Variants in DISC1 observed in about 807,000 individuals in gnomAD.
DISC1 encodes the protein DISC1 scaffold protein, also known as disrupted in schizophrenia 1 protein.
In DISC1, 57 loss-of-function variants were observed where a neutral mutation model predicts 84.5. That is an observed-to-expected ratio of 0.67 (90% CI 0.55 to 0.84). The LOEUF is 0.84. Among genes scored for constraint, DISC1 ranks in the 40% least tolerant of loss-of-function variants. The pLI, the probability that DISC1 is intolerant of heterozygous loss-of-function variation, is 0.00. For missense variants in DISC1, 1,000 were observed against 1,057.8 expected, an observed-to-expected ratio of 0.95 and a Z score of 0.76; for synonymous variants, 411 against 415.2, an observed-to-expected ratio of 0.99 and a Z score of 0.12.
chr1:231,767,014 A>G, intron 4 of DISC1, 126 bp from the exon 5 acceptor site: 1 of 1,253,738 alleles, frequency 8.0e-7, no homozygotes, highest in Non-Finnish European at 1.1e-6. Flanking sequence ...AAAAACAGGT[A>G]AGTACCCTCC....
chr1:231,812,652 G>A (rs2080417652), intron 8 of DISC1, among the ~76,000 whole-genome samples: 1 of 152,174 alleles, frequency 6.6e-6, no homozygotes, highest in African/African-American at 2.4e-5. Context: ...AGGCATATTG[G>A]GATGCCATAG....
At position 231,753,417 on chromosome 1, in the gene DISC1, C is replaced by T. The variant is rs556835633; in HGVS notation, c.1268+3341C>T. ...CAGTGGTCCAAGCTGTATCTGGACC[C>T]CTTTGAGCCATGTCTGGAGTTGGAA... On this transcript the variant is annotated intron_variant, in intron 4 of 12. Transcript: ENST00000439617. Among the ~76,000 whole-genome samples the T allele has an allele frequency of 2.6e-4, 39 of 152,346 alleles. No individual in the cohort carries two copies. The South Asian group carries it at 7.5e-3, about 29-fold the overall frequency.
intron 8 of DISC1, among the ~76,000 whole-genome samples, chr1:231,818,122 T>TA (rs1357286280): frequency 6.6e-6 from 1 of 152,318 alleles, no homozygotes; most frequent in East Asian, 1.9e-4. Context: ...AATAAGGTGA[T>TA]AAAAAAGACG....
intron 9 of DISC1, among the ~76,000 whole-genome samples, chr1:231,858,378 G>A (rs1010933463): frequency 3.3e-5 from 5 of 152,336 alleles, no homozygotes; most frequent in African/African-American, 9.6e-5. Flanking sequence ...ATTTGGGGCT[G>A]ATTATCAGTC....
intron 1 of DISC1, among the ~76,000 whole-genome samples, chr1:231,655,241 G>A (rs948940327): frequency 1.3e-5 from 2 of 151,906 alleles, no homozygotes; most frequent in East Asian, 1.9e-4. Flanking sequence ...TTTTAAAGTC[G>A]CCCCTCCCAC....
intron 2 of DISC1, among the ~76,000 whole-genome samples, chr1:231,696,085 T>A (rs1459653937): frequency 3.3e-5 from 5 of 152,118 alleles, no homozygotes; most frequent in Non-Finnish European, 4.4e-5. Context: ...ATGCATAGAA[T>A]CTATCCAGTT....
chr1:231,858,177 C>G (rs201496790), intron 9 of DISC1, among the ~76,000 whole-genome samples: 20 of 152,196 alleles, frequency 1.3e-4, no homozygotes, highest in Non-Finnish European at 2.4e-4. Flanking sequence ...TAAAATATAG[C>G]CTCACTGAAT....
intron 3 of DISC1, among the ~76,000 whole-genome samples, chr1:231,713,223 A>G (rs183244368): frequency 2.6e-5 from 4 of 152,224 alleles, no homozygotes; most frequent in Non-Finnish European, 5.9e-5. Flanking sequence ...TTAAGTGCCC[A>G]ATGTTCAACA....
At chr1:231,878,567 G>A (rs12746755) in intron 9 of DISC1, among the ~76,000 whole-genome samples, 2,088 of 152,278 alleles carry the variant, frequency 0.014, 26 homozygotes, top group Non-Finnish European at 0.019. Context: ...CTTGAAGCAA[G>A]TGAAGGACTT....
At chr1:231,855,162 T>C (rs2125910970) in intron 9 of DISC1, 1 of 1,006,034 alleles carries the variant, frequency 9.9e-7, no homozygotes. Context: ...GCGTCCTTTG[T>C]GAATCTTTAA....
At chr1:231,741,852 CT>C (rs936227865) in intron 3 of DISC1, among the ~76,000 whole-genome samples, 5 of 152,224 alleles carry the variant, frequency 3.3e-5, no homozygotes, top group African/African-American at 1.2e-4. Flanking sequence ...AATCCGACCA[CT>C]TTTCACCACC....
intron 3 of DISC1, chr1:231,702,450 A>G: frequency 6.1e-6 from 6 of 987,968 alleles, no homozygotes; most frequent in South Asian, 4.7e-5. Flanking sequence ...TTAAGCCTTC[A>G]TGGGGCTCTC....
intron 3 of DISC1, chr1:231,721,029 G>A (rs1289957099): frequency 7.7e-7 from 1 of 1,290,940 alleles, no homozygotes; most frequent in East Asian, 5.5e-5. Context: ...ATGGAAAATG[G>A]GCATGCCATT....
chr1:231,806,652 G>A (rs2079739722), intron 8 of DISC1, among the ~76,000 whole-genome samples: 1 of 150,384 alleles, frequency 6.6e-6, no homozygotes, highest in Non-Finnish European at 1.5e-5. Flanking sequence ...CAGGGTTCGA[G>A]GGTGAAAGGC....
chr1:232,025,628 G>A (rs1669381093), intron 11 of DISC1, among the ~76,000 whole-genome samples: 2 of 141,438 alleles, frequency 1.4e-5, no homozygotes, highest in Non-Finnish European at 3.0e-5. Flanking sequence ...ACGGAGTCTC[G>A]CTCTGTCGCC....
At chr1:232,029,807 G>A (rs1304267137) in intron 12 of DISC1, among the ~76,000 whole-genome samples, 2 of 152,182 alleles carry the variant, frequency 1.3e-5, no homozygotes, top group African/African-American at 4.8e-5. Context: ...CTATTAGTGT[G>A]GCATCAACAG....
intron 1 of DISC1, among the ~76,000 whole-genome samples, chr1:231,643,850 C>T (rs970878777): frequency 1.3e-5 from 2 of 152,218 alleles, no homozygotes; most frequent in South Asian, 2.1e-4. Flanking sequence ...TGGTACTGGC[C>T]GAGGGGTGAA....
intron 11 of DISC1, among the ~76,000 whole-genome samples, chr1:232,011,422 C>G (rs821627): frequency 6.6e-6 from 1 of 152,044 alleles, no homozygotes; most frequent in South Asian, 2.1e-4. Context: ...GGGGACCTTA[C>G]AGCTTTTGCT....
intron 3 of DISC1, among the ~76,000 whole-genome samples, chr1:231,727,142 T>G (rs899285480): frequency 9.9e-5 from 15 of 152,226 alleles, no homozygotes; most frequent in African/African-American, 3.6e-4. Context: ...TAGCACATGA[T>G]TATCCGTGGA....
Sources: allele counts gnomAD v4.1 joint callset (sites outside exome capture counted in the v4.1 genomes callset), GRCh38; gene constraint gnomAD v4.1.1; transcripts MANE v1.5; gene names NCBI Gene and HGNC (gene_info 2026-07-23, HGNC 2026-07-21).